The following EPB41L4A variants were observed in gnomAD, a reference collection of about 807,000 sequenced individuals.
EPB41L4A encodes the protein erythrocyte membrane protein band 4.1 like 4A, also known as band 4.1-like protein 4A.
In EPB41L4A, 100 loss-of-function variants were observed where a neutral mutation model predicts 108.6. The ratio of observed to expected loss-of-function variants is 0.92; its 90% CI spans 0.78 to 1.09. EPB41L4A has a LOEUF of 1.09. Among genes scored for constraint, EPB41L4A ranks in the 50% least tolerant of loss-of-function variants. EPB41L4A has a pLI of 0.00. For missense variants in EPB41L4A, 1,030 were observed against 842.7 expected (o/e 1.22, Z -2.75); for synonymous variants, 319 against 289.0 (o/e 1.10, Z -1.05).
chr5:112,314,717 C>G (rs1755318697), intron 1 of EPB41L4A, among the ~76,000 whole-genome samples: 1 of 151,666 alleles, frequency 6.6e-6, no homozygotes, highest in Non-Finnish European at 1.5e-5. Flanking sequence ...TGCCTGAAGC[C>G]AGGAGGCGGA....
In EPB41L4A at chr5:112,406,448, G is replaced by T. The variant is rs928248450; in HGVS notation, c.99+12493C>A. Among the ~76,000 whole-genome samples, 31 of 152,126 alleles carry T rather than the reference G, an allele frequency of 2.0e-4. 1 individual carries two copies. The highest frequency in any genetic ancestry group is 7.2e-4 in the African/African-American group (30 of 41,432). On this transcript the variant is annotated intron_variant, in intron 1 of 22. Transcript: ENST00000261486. Reference sequence around the variant, plus strand: ...CTCTAATACTAAAAATTAAAATGCAGTGCAATAAGTATCATTCTGAAAAGA... The same window carrying T: ...CTCTAATACTAAAAATTAAAATGCATTGCAATAAGTATCATTCTGAAAAGA...
intron 17 of EPB41L4A, among the ~76,000 whole-genome samples, chr5:112,185,204 G>C (rs193132541): frequency 2.6e-5 from 4 of 151,834 alleles, no homozygotes; most frequent in East Asian, 3.9e-4. Flanking sequence ...AGGGTATACA[G>C]AGCGGCATGG....
rs896716571 is a variant in EPB41L4A at position 112,260,697 on chromosome 5, T to C, written c.643-718A>G. Among the ~76,000 whole-genome samples, 5 of 152,114 alleles carry C rather than the reference T, an allele frequency of 3.3e-5. No individual in the cohort carries two copies. The South Asian group carries it at 6.2e-4, about 19-fold the overall frequency. ...ACCTTTATTTTAAGGCAATAATAAATCCAAATTTTAAAAACAGGATCTTAA... is the reference window on the plus strand; with the variant it reads ...ACCTTTATTTTAAGGCAATAATAAACCCAAATTTTAAAAACAGGATCTTAA... On this transcript the variant is annotated intron_variant, in intron 7 of 22. Coordinates refer to ENST00000261486, the MANE Select transcript of EPB41L4A (RefSeq NM_022140.5).
chr5:112,155,490 C>T (rs1234658891), intron 12 of EPB41L4A, among the ~76,000 whole-genome samples: 1 of 152,008 alleles, frequency 6.6e-6, no homozygotes, highest in African/African-American at 2.4e-5. Flanking sequence ...GGATGTTCCA[C>T]ACAAATGCCA....
chr5:112,222,742 G>C (rs1052038587), intron 12 of EPB41L4A, among the ~76,000 whole-genome samples: 2 of 152,150 alleles, frequency 1.3e-5, no homozygotes, highest in African/African-American at 4.8e-5. Flanking sequence ...TCATCTGCTG[G>C]ACTGCACATC....
intron 1 of EPB41L4A, among the ~76,000 whole-genome samples, chr5:112,314,214 C>G (rs1040276642): frequency 1.2e-4 from 18 of 151,900 alleles, no homozygotes; most frequent in African/African-American, 3.6e-4. Flanking sequence ...GTAGACCAAA[C>G]TATTACGGGC....
At chr5:112,260,140 G>C (rs1751396057) in intron 7 of EPB41L4A, among the ~76,000 whole-genome samples, 161 bp from the exon 8 acceptor site, 1 of 152,180 alleles carries the variant, frequency 6.6e-6, no homozygotes, top group Admixed American at 6.5e-5. Flanking sequence ...TAGCTAACTT[G>C]TTGCTTATTT....
intron 2 of EPB41L4A, 26 bp downstream of exon 2, chr5:112,307,360 A>G: frequency 6.6e-7 from 1 of 1,506,416 alleles, no homozygotes; most frequent in Non-Finnish European, 9.2e-7. Context: ...AACCAGAAAA[A>G]TTTAACACAA....
chr5:112,169,090 T>A lies in EPB41L4A; in HGVS notation c.1755A>T (p.Pro585=). ...GCGAATGAGAATGCCTGATGCGGAT[T>A]GGGTCACCTTGTGTCCTGAACAAGC... ...PYTKIETQGD[P]IRIRHSHSPR... Residue 585 remains proline, a synonymous_variant, in exon 21 of 23, where the codon CCA becomes CCT. Transcript: ENST00000261486. 1 of 1,613,820 alleles carries A rather than the reference T, an allele frequency of 6.2e-7. No individual in the cohort carries two copies. Among genetic ancestry groups the A allele is most frequent in the Non-Finnish European group, 8.5e-7 (1 of 1,179,716 alleles).
intron 12 of EPB41L4A, among the ~76,000 whole-genome samples, chr5:112,222,698 C>A (rs1160142284): frequency 6.6e-6 from 1 of 152,198 alleles, no homozygotes. Flanking sequence ...CGTAAAGCAG[C>A]CCCAAAAGGC....
At chr5:112,366,620 C>A (rs866566443) in intron 1 of EPB41L4A, among the ~76,000 whole-genome samples, 1 of 152,020 alleles carries the variant, frequency 6.6e-6, no homozygotes, top group East Asian at 1.9e-4. Flanking sequence ...AATAAGCACC[C>A]TAACCTCACT....
intron 1 of EPB41L4A, among the ~76,000 whole-genome samples, chr5:112,389,413 C>T (rs1037191400): frequency 1.3e-5 from 2 of 152,138 alleles, no homozygotes; most frequent in Non-Finnish European, 2.9e-5. Flanking sequence ...GGTCACCAAA[C>T]AAAACAGAGT....
chr5:112,385,133 C>A (rs1451608863), intron 1 of EPB41L4A, among the ~76,000 whole-genome samples: 2 of 152,172 alleles, frequency 1.3e-5, no homozygotes, highest in Non-Finnish European at 2.9e-5. Flanking sequence ...CCCTCCTCAG[C>A]CTACAGCCTG....
At chr5:112,331,470 A>C (rs570229317) in intron 1 of EPB41L4A, among the ~76,000 whole-genome samples, 2 of 152,202 alleles carry the variant, frequency 1.3e-5, no homozygotes, top group Non-Finnish European at 2.9e-5. Context: ...GGATCCCCCA[A>C]CTGAGTGTTC....
chr5:112,219,759 A>T (rs542803588), intron 12 of EPB41L4A, among the ~76,000 whole-genome samples: 1 of 152,216 alleles, frequency 6.6e-6, no homozygotes, highest in African/African-American at 2.4e-5. Context: ...GCAATAGAGC[A>T]ATCTTGGCTC....
intron 1 of EPB41L4A, among the ~76,000 whole-genome samples, chr5:112,390,714 T>C (rs1305930929): frequency 2.0e-5 from 3 of 152,142 alleles, no homozygotes; most frequent in Non-Finnish European, 4.4e-5. Flanking sequence ...AGCACAGTGT[T>C]TGAGCTCTGA....
intron 11 of EPB41L4A, among the ~76,000 whole-genome samples, chr5:112,235,806 TAA>T (rs1012363443): frequency 2.2e-4 from 34 of 152,262 alleles, no homozygotes; most frequent in African/African-American, 8.2e-4. Context: ...ACCAGGGGAA[TAA>T]AGATGCCAGG....
Position 112,165,038 on chromosome 5 carries a change from T to C in EPB41L4A, c.2013A>G (p.Ala671=). The change falls in exon 23 of 23, where the codon GCA becomes GCG. Residue 671 remains alanine, a synonymous_variant. Coordinates refer to ENST00000261486, the MANE Select transcript of EPB41L4A (RefSeq NM_022140.5). ...AAGCTTGTATAGTTTTTATTGTTTTTGCTGTGTGTTTTCCAGCCAGGTTGT... is the reference window on the plus strand; with the variant it reads ...AAGCTTGTATAGTTTTTATTGTTTTCGCTGTGTGTTTTCCAGCCAGGTTGT... ...STNNLAGKHT[A]KTIKTIQASR... is the part of the protein sequence containing the mutation. 6.2e-7 allele frequency: 1 copy of C among 1,614,122 alleles called. No homozygotes were observed. The highest frequency in any genetic ancestry group is 1.1e-5 in the South Asian group (1 of 91,078).
chr5:112,206,291 G>T, intron 13 of EPB41L4A, among the ~76,000 whole-genome samples: 1 of 151,580 alleles, frequency 6.6e-6, no homozygotes. Context: ...CTGTATAACT[G>T]TCCTAGGATA....
Sources: gnomAD v4.1 joint callset for allele counts (sites outside exome capture counted in the v4.1 genomes callset) on GRCh38, gnomAD v4.1.1 for gene constraint, MANE v1.5 for transcripts, NCBI Gene and HGNC (gene_info 2026-07-23, HGNC 2026-07-21) for gene names.